The following CELA3B variants were observed in gnomAD, a reference collection of about 807,000 sequenced individuals.
CELA3B encodes chymotrypsin-like elastase family member 3B.
CELA3B carries 34 observed loss-of-function variants against 37.2 expected under a neutral mutation model. That is an observed-to-expected ratio of 0.91 (90% CI 0.70 to 1.22). CELA3B has a LOEUF of 1.22. Ranked by LOEUF, CELA3B falls within the 50% of genes most tolerant of loss-of-function variation. The probability of loss-of-function intolerance (pLI) is 0.00; values close to 1 mark genes in which losing one functional copy is unlikely to be tolerated. For missense variants in CELA3B, 340 were observed against 363.1 expected, an observed-to-expected ratio of 0.94 and a Z score of 0.52; for synonymous variants, 127 against 143.5, an observed-to-expected ratio of 0.89 and a Z score of 0.82.
intron 7 of CELA3B, 130 bp downstream of exon 7, chr1:21,986,813 G>T: frequency 9.5e-7 from 1 of 1,051,080 alleles, no homozygotes; most frequent in East Asian, 2.6e-5. Context: ...GGCCCTTGGG[G>T]ACATTCCAGA....
intron 4 of CELA3B, among the ~76,000 whole-genome samples, chr1:21,996,181 C>T (rs146839251): frequency 0.011 from 1,592 of 151,300 alleles, 43 homozygotes; most frequent in Middle Eastern, 0.031. Context: ...CCACTGTACT[C>T]CAGCCTGAGC....
At chr1:21,995,500 TC>T (rs1400616710) in intron 4 of CELA3B, among the ~76,000 whole-genome samples, 1 of 151,040 alleles carries the variant, frequency 6.6e-6, no homozygotes, top group Admixed American at 6.6e-5. Flanking sequence ...CTTGCCTGTC[TC>T]CCAGGAAGCC....
chr1:21,991,935 C>A (rs1644870460), downstream of CELA3B, among the ~76,000 whole-genome samples: 2 of 150,758 alleles, frequency 1.3e-5, no homozygotes, highest in Non-Finnish European at 2.9e-5. Context: ...GCCTGGCCAA[C>A]ATGGTGAAGC....
rs1644824110 is a variant in CELA3B at position 21,984,205 on chromosome 1, A to G, written c.516A>G (p.Pro172=). The G allele has an allele frequency of 3.7e-6, 6 of 1,613,894 alleles. No homozygotes were observed. Among genetic ancestry groups the G allele is most frequent in the Non-Finnish European group, 5.1e-6 (6 of 1,179,856 alleles). The change falls in exon 6 of 8, where the codon CCA becomes CCG. Residue 172 remains proline (P), a synonymous_variant. Coordinates refer to ENST00000337107, the MANE Select transcript of CELA3B (RefSeq NM_007352.4). ...WGRLYTNGPL[P]DKLQEALLPV... is the part of the protein sequence containing the mutation. ...TCGCTGCAGCCAACGGGCCACTCCC[A>G]GACAAGCTGCAGGAGGCCCTGCTGC...
intron 1 of CELA3B, 88 bp downstream of exon 1, chr1:21,977,170 C>T (rs1181291498): frequency 7.0e-5 from 111 of 1,581,226 alleles, no homozygotes; most frequent in Middle Eastern, 1.7e-4. Context: ...TCCCATGACA[C>T]CCTATGCCTG....
downstream of CELA3B, among the ~76,000 whole-genome samples, chr1:21,990,985 C>T (rs1644866767): frequency 1.9e-5 from 1 of 53,668 alleles, no homozygotes; most frequent in Non-Finnish European, 4.4e-5. Flanking sequence ...AGCAAGGACA[C>T]ACACAAATGA....
At chr1:21,977,861 G>A (rs1644781133) in intron 1 of CELA3B, 2 of 357,836 alleles carry the variant, frequency 5.6e-6, no homozygotes, top group Non-Finnish European at 1.1e-5. Flanking sequence ...ACCATACCTG[G>A]CTACTTTATT....
intron 6 of CELA3B, 45 bp downstream of exon 6, chr1:21,984,376 A>AC (rs748383515): frequency 6.3e-7 from 1 of 1,590,520 alleles, no homozygotes; most frequent in Non-Finnish European, 8.6e-7. Context: ...GGTGTGCAGG[A>AC]CCTTGGAATG....
In CELA3B at chr1:21,984,320, T is replaced by G; in HGVS notation, c.631T>G (p.Ser211Ala). The change falls in exon 6 of 8, where the codon TCC becomes GCC. Residue 211 changes from serine (S) to alanine (A), a missense_variant. Ser to Ala is a moderately conservative substitution (Grantham distance 99). Transcript: ENST00000337107. ...GGTGTGTGCTGGAGGGGACATCCGC[T>G]CCGGCTGCAATGTGAGTCAGCTCTT... is the stretch of plus-strand genomic sequence containing the variant. ...TMVCAGGDIR[S>A]GCNGDSGGPL... 1 of 1,613,514 alleles carries G rather than the reference T, an allele frequency of 6.2e-7. No homozygotes were observed. The highest frequency in any genetic ancestry group is 1.1e-5 in the South Asian group (1 of 91,014).
downstream of CELA3B, among the ~76,000 whole-genome samples, chr1:21,991,480 C>A (rs1442813689): frequency 6.6e-6 from 1 of 150,722 alleles, no homozygotes; most frequent in African/African-American, 2.5e-5. Context: ...GGACTACAGG[C>A]GCATGCCACC....
intron 7 of CELA3B, 119 bp downstream of exon 7, chr1:21,986,802 G>A (rs554285160): frequency 3.1e-4 from 349 of 1,120,776 alleles, no homozygotes; most frequent in Non-Finnish European, 4.0e-4. Context: ...CAGTGGGGAA[G>A]GGCCCTTGGG....
chr1:21,998,115 C>T (rs558027845), intron 4 of CELA3B: 54 of 469,558 alleles, frequency 1.2e-4, no homozygotes. Context: ...TTTTAAAGTT[C>T]CAACAGCTTA....
downstream of CELA3B, among the ~76,000 whole-genome samples, chr1:21,993,316 G>A (rs1477741114): frequency 1.3e-5 from 2 of 150,864 alleles, no homozygotes; most frequent in African/African-American, 4.9e-5. Flanking sequence ...CAAAAAATTA[G>A]CTGAGCATGG....
In CELA3B at chr1:21,978,416, A is replaced by C. The variant is rs138865928; in HGVS notation, c.91A>C (p.Asn31His). The C allele has an allele frequency of 2.2e-3, 3,553 of 1,609,226 alleles. 30 individuals are homozygous for C. Among genetic ancestry groups the C allele is most frequent in the South Asian group, 4.0e-3 (364 of 90,552 alleles). ...PSSRPSSRVV[N>H]GEDAVPYSWP... ...CTCTCGCCCTTCCAGCCGCGTTGTC[A>C]ATGGTGAGGATGCGGTCCCCTACAG... The change falls in exon 2 of 8, where the codon AAT becomes CAT. Residue 31 changes from asparagine to histidine, a missense_variant. Coordinates refer to ENST00000337107, the MANE Select transcript of CELA3B (RefSeq NM_007352.4).
chr1:21,981,361 CA>C (rs1335622703), intron 4 of CELA3B, among the ~76,000 whole-genome samples, 189 bp downstream of exon 4: 2 of 143,840 alleles, frequency 1.4e-5, no homozygotes, highest in African/African-American at 5.1e-5. Flanking sequence ...CCATCACCAC[CA>C]AACCTGTCTC....
chr1:21,988,876 T>A (rs1198562258), intron 7 of CELA3B, among the ~76,000 whole-genome samples: 3 of 151,070 alleles, frequency 2.0e-5, no homozygotes, highest in Non-Finnish European at 4.4e-5. Flanking sequence ...GGCAACAGAG[T>A]GAGACTCTGT....
At chr1:21,981,839 C>T (rs1347024524) in intron 4 of CELA3B, among the ~76,000 whole-genome samples, 2 of 151,992 alleles carry the variant, frequency 1.3e-5, no homozygotes, top group Non-Finnish European at 2.9e-5. Flanking sequence ...CATTCTCCTG[C>T]CTCAGCGTCC....
At chr1:21,979,271 T>C (rs1040496346) in intron 2 of CELA3B, among the ~76,000 whole-genome samples, 3 of 151,256 alleles carry the variant, frequency 2.0e-5, no homozygotes, top group African/African-American at 7.3e-5. Flanking sequence ...AGGGTTTCAC[T>C]ATGTTGGCCA....
intron 4 of CELA3B, among the ~76,000 whole-genome samples, chr1:21,996,022 T>G (rs1392350937): frequency 2.7e-5 from 4 of 150,592 alleles, no homozygotes; most frequent in Non-Finnish European, 5.9e-5. Context: ...GAGACCAACC[T>G]GACCAACATG....
Sources: allele counts gnomAD v4.1 joint callset (sites outside exome capture counted in the v4.1 genomes callset), GRCh38; gene constraint gnomAD v4.1.1; transcripts MANE v1.5; gene names NCBI Gene and HGNC (gene_info 2026-07-23, HGNC 2026-07-21).